The following SRPK2 variants were observed in gnomAD, a reference collection of about 807,000 sequenced individuals.
SRPK2 encodes SFRS protein kinase 2.
A neutral mutation model predicts 90.8 loss-of-function variants in SRPK2; 21 were observed. The observed-to-expected ratio is 0.23, with a 90% CI of 0.16 to 0.33. The LOEUF is 0.33. Among genes scored for constraint, SRPK2 ranks in the 10% least tolerant of loss-of-function variants. The pLI is 1.00. For missense variants in SRPK2, 620 were observed against 869.0 expected, an observed-to-expected ratio of 0.71 and a Z score of 3.60; for synonymous variants, 288 against 311.1, an observed-to-expected ratio of 0.93 and a Z score of 0.78.
At position 105,126,708 on chromosome 7, in the gene SRPK2, T is replaced by C. The variant is rs76649164; in HGVS notation, c.1822+285A>G. On this transcript the variant is annotated intron_variant, in intron 14 of 15. Transcript: ENST00000393651. Reference sequence around the variant, plus strand: ...GGACCACATAGAGGCTTCAGGTCTGTATCATCTGTCTTCTCTCAGCCAGCT... The same window carrying C: ...GGACCACATAGAGGCTTCAGGTCTGCATCATCTGTCTTCTCTCAGCCAGCT... 2.5e-3 allele frequency among the ~76,000 whole-genome samples: 380 copies of C among 152,304 alleles called. 1 individual carries two copies. Among genetic ancestry groups the C allele is most frequent in the African/African-American group, 8.8e-3 (366 of 41,578 alleles).
rs763531326 is a variant in SRPK2 at position 105,142,156 on chromosome 7, G to C, written c.1395C>G (p.Ser465=). ...KIPESQFPEF[S]TSLFSGSLEP... ...CTAAGGATCCAGAGAACAACGAGGT[G>C]GAAAACTCTGGGAACTGTGACTCGG... Residue 465 remains serine, a synonymous_variant, in exon 11 of 16, where the codon TCC becomes TCG. Transcript: ENST00000393651. The C allele has an allele frequency of 6.2e-7, 1 of 1,614,140 alleles. No homozygotes were observed. The highest frequency in any genetic ancestry group is 1.7e-5 in the Admixed American group (1 of 60,018).
At chr7:105,119,804 C>A (rs940452194) in intron 15 of SRPK2, among the ~76,000 whole-genome samples, 1 of 152,162 alleles carries the variant, frequency 6.6e-6, no homozygotes, top group Non-Finnish European at 1.5e-5. Context: ...CAAATTCATG[C>A]CTAATATATG....
chr7:105,373,170 A>G (rs191202698), intron 2 of SRPK2, among the ~76,000 whole-genome samples: 2 of 152,284 alleles, frequency 1.3e-5, no homozygotes, highest in East Asian at 3.9e-4. Flanking sequence ...GTTCCAACAT[A>G]GATAATACTA....
At chr7:105,297,327 A>G (rs898249315) in intron 2 of SRPK2, 2 of 306,026 alleles carry the variant, frequency 6.5e-6, no homozygotes, top group Non-Finnish European at 4.8e-6. Context: ...ACAGACACAG[A>G]TCTGTGGTCC....
chr7:105,328,350 T>C (rs1174991228), intron 2 of SRPK2, among the ~76,000 whole-genome samples: 1 of 137,276 alleles, frequency 7.3e-6, no homozygotes, highest in East Asian at 2.2e-4. Flanking sequence ...TCACTTGAAG[T>C]CAAGAGTTTG....
intron 2 of SRPK2, among the ~76,000 whole-genome samples, chr7:105,251,690 T>A (rs1253330209): frequency 6.6e-6 from 1 of 152,242 alleles, no homozygotes; most frequent in Non-Finnish European, 1.5e-5. Flanking sequence ...ATTGTGCTGG[T>A]CTCAGGAAAA....
intron 2 of SRPK2, chr7:105,269,065 C>T: frequency 2.4e-6 from 3 of 1,238,172 alleles, no homozygotes; most frequent in Non-Finnish European, 3.1e-6. Context: ...CTAAACTATG[C>T]ACATGACTGT....
intron 3 of SRPK2, among the ~76,000 whole-genome samples, chr7:105,178,096 T>C (rs1467256628): frequency 6.6e-6 from 1 of 151,756 alleles, no homozygotes; most frequent in East Asian, 1.9e-4. Context: ...TTCCCTGAGC[T>C]GTGAAGAAAA....
chr7:105,244,631 C>G, intron 2 of SRPK2: 1 of 732,204 alleles, frequency 1.4e-6, no homozygotes, highest in Non-Finnish European at 2.4e-6. Flanking sequence ...GCGCCAGGGC[C>G]GCCTTTGGAG....
intron 3 of SRPK2, among the ~76,000 whole-genome samples, chr7:105,181,255 T>C (rs1792755515): frequency 6.6e-6 from 1 of 152,234 alleles, no homozygotes; most frequent in African/African-American, 2.4e-5. Context: ...GGAATGCTTA[T>C]ACTCTGCAGG....
At chr7:105,382,263 G>A (rs1821032945) in intron 2 of SRPK2, among the ~76,000 whole-genome samples, 1 of 149,580 alleles carries the variant, frequency 6.7e-6, no homozygotes, top group African/African-American at 2.5e-5. Flanking sequence ...CAATAAAAAG[G>A]AAAGCACAGC....
chr7:105,325,697 A>T (rs1035349093), intron 2 of SRPK2, among the ~76,000 whole-genome samples: 3 of 152,120 alleles, frequency 2.0e-5, no homozygotes, highest in Non-Finnish European at 4.4e-5. Context: ...AAAGTTAAAA[A>T]ATTAGTCAGG....
chr7:105,346,875 A>AAT (rs1816524377), intron 2 of SRPK2, among the ~76,000 whole-genome samples: 1 of 150,618 alleles, frequency 6.6e-6, no homozygotes, highest in Non-Finnish European at 1.5e-5. Context: ...AAAAAAAAAA[A>AAT]CTTTATTCAC....
chr7:105,229,203 C>T (rs1036480799), intron 2 of SRPK2, among the ~76,000 whole-genome samples: 4 of 152,184 alleles, frequency 2.6e-5, no homozygotes, highest in Admixed American at 2.0e-4. Flanking sequence ...GTGGCTCACG[C>T]CCGTAATACC....
intron 7 of SRPK2, among the ~76,000 whole-genome samples, chr7:105,159,462 A>AAAAAAAAAAAAAAAAAAAAAAAAAAAC (rs1807147080): frequency 1.4e-5 from 2 of 147,804 alleles, no homozygotes; most frequent in African/African-American, 2.5e-5. Context: ...AAAAAAAAAA[A>AAAAAAAAAAAAAAAAAAAAAAAAAAAC]AAAAAAAAAA....
intron 2 of SRPK2, among the ~76,000 whole-genome samples, chr7:105,275,288 A>T (rs1177258526): frequency 6.6e-6 from 1 of 152,204 alleles, no homozygotes; most frequent in Non-Finnish European, 1.5e-5. Context: ...AGCTTTTAAA[A>T]TGCTATTTTC....
chr7:105,208,666 AC>A (rs1456789090), intron 2 of SRPK2, among the ~76,000 whole-genome samples: 4 of 152,172 alleles, frequency 2.6e-5, no homozygotes, highest in Admixed American at 2.6e-4. Context: ...GAAAATGGGG[AC>A]TGACTGCTAG....
rs142442077 is a variant in SRPK2 at position 105,290,866 on chromosome 7, G to A, written c.72-87081C>T. The stretch of plus-strand genomic sequence containing the variant: ...ATCCTGGCTAACAAGGTGAAACCCC[G>A]TCTCTACTAAAAATACAAAAAATTG... On this transcript the variant is annotated intron_variant, in intron 2 of 15. Coordinates refer to ENST00000393651, the MANE Select transcript of SRPK2 (RefSeq NM_182692.3). 6.0e-3 allele frequency among the ~76,000 whole-genome samples: 887 copies of A among 147,022 alleles called. 7 individuals carry two copies. Among genetic ancestry groups the A allele is most frequent in the African/African-American group, 0.019 (749 of 40,174 alleles).
At chr7:105,146,407 C>A in intron 8 of SRPK2, 86 bp downstream of exon 8, 2 of 1,392,280 alleles carry the variant, frequency 1.4e-6, no homozygotes, top group South Asian at 2.9e-5. Flanking sequence ...TTATGTGTAA[C>A]GTTTGATTCA....
Sources: gnomAD v4.1 joint callset for allele counts (sites outside exome capture counted in the v4.1 genomes callset) on GRCh38, gnomAD v4.1.1 for gene constraint, MANE v1.5 for transcripts, NCBI Gene and HGNC (gene_info 2026-07-23, HGNC 2026-07-21) for gene names.